The following TIAM2 variants were observed in gnomAD, a reference collection of about 807,000 sequenced individuals.
TIAM2 encodes the protein TIAM Rac1 associated GEF 2.
In TIAM2, 80 loss-of-function variants were observed where a neutral mutation model predicts 152.9. That is an observed-to-expected ratio of 0.52 (90% CI 0.44 to 0.63). The LOEUF is 0.63. TIAM2 is among the 30% of genes least tolerant of loss of function. The pLI, the probability that TIAM2 is intolerant of heterozygous loss-of-function variation, is 0.00. For missense variants in TIAM2, 1,965 were observed against 2,120.1 expected, an observed-to-expected ratio of 0.93 and a Z score of 1.44; for synonymous variants, 804 against 838.0, an observed-to-expected ratio of 0.96 and a Z score of 0.70.
rs1400638190 is a variant in TIAM2, at chr6:155,176,907, A to G, written c.2453A>G (p.Asp818Gly). The change falls in exon 10 of 27, where the codon GAC becomes GGC. Residue 818 changes from aspartate (D) to glycine (G), a missense_variant. Asp to Gly is a moderately conservative substitution (Grantham distance 94). This residue lies in a region of TIAM2 where 1,025 missense variants were observed against 1,119.4 expected (regional missense o/e 0.92). Transcript: ENST00000682666. ...WEIQTYVHFQDNHGVTVGIKP... is the reference protein window; with the variant it reads ...WEIQTYVHFQGNHGVTVGIKP... The stretch of plus-strand genomic sequence containing the variant: ...ATCCAGACTTATGTCCACTTTCAGG[A>G]CAATCACGGAGTTACTGTAGGGATC... The G allele has an allele frequency of 6.2e-7, 1 of 1,614,094 alleles. No homozygotes were observed. The highest frequency in any genetic ancestry group is 1.3e-5 in the African/African-American group (1 of 75,036).
At chr6:155,085,562 T>G (rs1008956000) in intron 1 of TIAM2, among the ~76,000 whole-genome samples, 10 of 151,360 alleles carry the variant, frequency 6.6e-5, no homozygotes, top group Non-Finnish European at 1.2e-4. Context: ...GATGTGGCCA[T>G]TAAAAAAAAA....
Position 155,164,509 on chromosome 6 carries a change from A to G in TIAM2, c.2123A>G (p.Asn708Ser). The G allele has an allele frequency of 6.2e-7, 1 of 1,614,106 alleles. No individual in the cohort carries two copies. The highest frequency in any genetic ancestry group is 8.5e-7 in the Non-Finnish European group (1 of 1,180,022). ...AGCCTACAAGGTGGGGAGTTACCGA[A>G]CCCAAAGAGTCTCCTTGCAGCCGCC... ...LASLQGGELP[N>S]PKSLLAAASR... is the part of the protein sequence containing the mutation. The change falls in exon 8 of 27, where the codon AAC (asparagine) becomes AGC (serine). Residue 708 changes from asparagine to serine, a missense_variant. Coordinates refer to ENST00000682666, the MANE Select transcript of TIAM2 (RefSeq NM_012454.4).
chr6:155,215,903 G>A (rs1050725484), intron 15 of TIAM2, among the ~76,000 whole-genome samples: 3 of 151,830 alleles, frequency 2.0e-5, no homozygotes, highest in African/African-American at 7.3e-5. Flanking sequence ...GACCTCCTGG[G>A]CTCAAATGAT....
intron 14 of TIAM2, among the ~76,000 whole-genome samples, chr6:155,205,258 A>ATGTTC (rs1781571733): frequency 7.0e-6 from 1 of 142,872 alleles, no homozygotes; most frequent in Non-Finnish European, 1.5e-5. Context: ...GAGAAAACAA[A>ATGTTC]TGTTCTCCTG....
At chr6:155,064,097 A>G (rs1777641272) in intron 1 of TIAM2, among the ~76,000 whole-genome samples, 1 of 152,074 alleles carries the variant, frequency 6.6e-6, no homozygotes, top group Non-Finnish European at 1.5e-5. Flanking sequence ...GAAAACTGAT[A>G]GTTTTCTCTT....
chr6:155,204,693 A>G (rs569821640), intron 14 of TIAM2, among the ~76,000 whole-genome samples: 1 of 152,322 alleles, frequency 6.6e-6, no homozygotes, highest in South Asian at 2.1e-4. Context: ...TGAAAAACAT[A>G]TTTTAAAAAC....
intron 1 of TIAM2, among the ~76,000 whole-genome samples, chr6:155,038,321 GAT>G (rs1776959610): frequency 6.6e-6 from 1 of 152,214 alleles, no homozygotes; most frequent in Non-Finnish European, 1.5e-5. Flanking sequence ...CCTTCCCCCA[GAT>G]GGGATGCCTG....
chr6:155,058,956 C>T (rs1777509404), intron 1 of TIAM2, among the ~76,000 whole-genome samples: 1 of 152,024 alleles, frequency 6.6e-6, no homozygotes, highest in South Asian at 2.1e-4. Flanking sequence ...GGAGGGCTTC[C>T]CAGAGGAGAA....
rs565023605 is a variant in TIAM2 at position 155,160,326 on chromosome 6, G to A, written c.2029-4089G>A. ...CAGGAGGAGTTCTCTCTTACTTGAG[G>A]GGGTGTCAGCCTTTTTGTCCTCTTC... On this transcript the variant is annotated intron_variant, in intron 7 of 26. Coordinates refer to ENST00000682666, the MANE Select transcript of TIAM2 (RefSeq NM_012454.4). Among the ~76,000 whole-genome samples, 24 of 152,264 alleles carry A rather than the reference G, an allele frequency of 1.6e-4. 1 individual carries two copies. The South Asian group carries it at 2.9e-3, about 18-fold the overall frequency.
At chr6:155,119,468 T>C (rs1382889541) in intron 2 of TIAM2, among the ~76,000 whole-genome samples, 8 of 152,060 alleles carry the variant, frequency 5.3e-5, no homozygotes, top group Admixed American at 5.2e-4. Flanking sequence ...GCCTCTCGAA[T>C]AGCTGGGATT....
chr6:155,225,805 A>C (rs1782221725), intron 15 of TIAM2, among the ~76,000 whole-genome samples: 2 of 152,210 alleles, frequency 1.3e-5, no homozygotes, highest in South Asian at 4.1e-4. Context: ...TGTTCCATAT[A>C]AGATTATCAT....
At chr6:155,146,913 G>A (rs938064759) in intron 6 of TIAM2, among the ~76,000 whole-genome samples, 3 of 151,790 alleles carry the variant, frequency 2.0e-5, no homozygotes, top group Non-Finnish European at 2.9e-5. Flanking sequence ...GAGCCACCAC[G>A]CCTGTCCTAT....
chr6:155,232,464 G>A (rs1233969156), intron 15 of TIAM2: 1 of 152,188 alleles, frequency 6.6e-6, no homozygotes, highest in Admixed American at 6.5e-5. Flanking sequence ...CCCTTTCTGG[G>A]GCTTGACTTT....
In TIAM2 at chr6:155,176,854, C is replaced by T. The variant is rs779194172; in HGVS notation, c.2400C>T (p.Asp800=). 83 of 1,613,770 alleles carry T rather than the reference C, an allele frequency of 5.1e-5. No individual in the cohort carries two copies. Among genetic ancestry groups the T allele is most frequent in the Non-Finnish European group, 6.0e-5 (71 of 1,179,880 alleles). The change falls in exon 10 of 27, where the codon GAC becomes GAT. Residue 800 remains aspartate (D), a synonymous_variant. Transcript: ENST00000682666. ...ELLHIYGSTV[D]GVPRDNAWEI... ...TGCATATATATGGTTCAACAGTAGA[C>T]GGTGTTCCCCGAGACAATGCATGGG...
intron 14 of TIAM2, among the ~76,000 whole-genome samples, chr6:155,191,760 A>G (rs1583240616): frequency 6.6e-6 from 1 of 152,064 alleles, no homozygotes; most frequent in Non-Finnish European, 1.5e-5. Flanking sequence ...GCGCCACTGC[A>G]TTCCAGCCTG....
At chr6:155,087,805 G>A (rs964008641) in intron 1 of TIAM2, among the ~76,000 whole-genome samples, 3 of 152,064 alleles carry the variant, frequency 2.0e-5, no homozygotes, top group Non-Finnish European at 2.9e-5. Flanking sequence ...CTGGGTTAAT[G>A]ACAAAGCAAA....
intron 1 of TIAM2, among the ~76,000 whole-genome samples, chr6:155,081,356 T>A (rs1339488947): frequency 2.0e-5 from 3 of 151,906 alleles, no homozygotes; most frequent in Admixed American, 6.6e-5. Flanking sequence ...TTCAAGGCAT[T>A]GGGAAAGGGA....
chr6:155,136,783 A>G (rs1373581961), intron 4 of TIAM2, among the ~76,000 whole-genome samples: 3 of 152,204 alleles, frequency 2.0e-5, no homozygotes, highest in Non-Finnish European at 4.4e-5. Flanking sequence ...CAGGGAAAAA[A>G]TAAATTGCAA....
At chr6:155,041,059 C>T (rs1184406636) in intron 1 of TIAM2, among the ~76,000 whole-genome samples, 2 of 151,998 alleles carry the variant, frequency 1.3e-5, no homozygotes, top group Non-Finnish European at 2.9e-5. Context: ...ATTTCAGTGT[C>T]CACACTGCCC....
Sources: gnomAD v4.1 joint callset for allele counts (sites outside exome capture counted in the v4.1 genomes callset) on GRCh38, gnomAD v4.1.1 for gene constraint, gnomAD v4.1.1 regional missense constraint, MANE v1.5 for transcripts, NCBI Gene and HGNC (gene_info 2026-07-23, HGNC 2026-07-21) for gene names.